Variants in BMPER observed in about 807,000 individuals in gnomAD.
BMPER encodes the protein BMP-binding endothelial regulator protein.
Under a neutral mutation model 87.3 loss-of-function variants are expected in BMPER, and 45 were observed. That is an observed-to-expected ratio of 0.52 (90% CI 0.41 to 0.66). The LOEUF is 0.66. Ranked by LOEUF, BMPER falls within the 30% of genes least tolerant of loss-of-function variation. The probability of loss-of-function intolerance (pLI) is 0.00; values close to 1 mark genes in which losing one functional copy is unlikely to be tolerated. For synonymous variants in BMPER, 326 were observed against 316.2 expected (o/e 1.03, Z -0.33); for missense variants, 784 against 867.5 (o/e 0.90, Z 1.21).
chr7:33,963,360 A>G (rs1204347386), intron 3 of BMPER, among the ~76,000 whole-genome samples: 3 of 152,240 alleles, frequency 2.0e-5, no homozygotes. Context: ...AATGTTTAAT[A>G]TAATTTGGTA....
At chr7:34,037,190 A>C (rs6950651) in intron 6 of BMPER, among the ~76,000 whole-genome samples, 24,448 of 152,064 alleles carry the variant, frequency 0.16, 3,070 homozygotes, top group African/African-American at 0.35. Context: ...GAGAGAGACA[A>C]GTTGTCTCTT....
intron 6 of BMPER, chr7:34,042,877 TG>T (rs1787868568): frequency 6.6e-6 from 1 of 152,176 alleles, no homozygotes; most frequent in East Asian, 1.9e-4. Context: ...ATTATGTATT[TG>T]TGTGCCCCAA....
At chr7:33,953,474 A>G (rs1356400957) in intron 3 of BMPER, among the ~76,000 whole-genome samples, 2 of 152,090 alleles carry the variant, frequency 1.3e-5, no homozygotes, top group African/African-American at 4.8e-5. Context: ...TCCCCTCTGT[A>G]TCATGCAGGG....
At chr7:33,991,821 T>C (rs1786228472) in intron 6 of BMPER, among the ~76,000 whole-genome samples, 1 of 148,170 alleles carries the variant, frequency 6.7e-6, no homozygotes, top group African/African-American at 2.5e-5. Context: ...GTTGTGTCTT[T>C]GTTCTCGTTG....
rs202141422 is a variant in BMPER, at chr7:34,153,121, G to C, written c.1906G>C (p.Asp636His). 1 of 1,613,844 alleles carries C rather than the reference G, an allele frequency of 6.2e-7. No homozygotes were observed. Among genetic ancestry groups the C allele is most frequent in the Admixed American group, 1.7e-5 (1 of 59,994 alleles). The change falls in exon 15 of 15, where the codon GAT becomes CAT. Residue 636 changes from aspartate to histidine, a missense_variant. By Grantham distance (81) the Asp-to-His change is moderately conservative. Transcript: ENST00000649409. ...ATQCKHGAVY[D>H]TCGPGCIKTC... is the part of the protein sequence containing the mutation. ...CCAGTGTAAGCATGGTGCTGTGTACGATACCTGTGGTCCGGGATGTATCAA... is the reference window on the plus strand; with the variant it reads ...CCAGTGTAAGCATGGTGCTGTGTACCATACCTGTGGTCCGGGATGTATCAA...
At chr7:34,086,224 T>C in intron 13 of BMPER, 132 bp downstream of exon 13, 1 of 1,037,604 alleles carries the variant, frequency 9.6e-7, no homozygotes, top group Non-Finnish European at 1.4e-6. Flanking sequence ...CTTCTTGCTG[T>C]CCAGGAGCTG....
chr7:33,948,543 G>A (rs1243665015), intron 3 of BMPER, among the ~76,000 whole-genome samples: 5 of 152,144 alleles, frequency 3.3e-5, no homozygotes, highest in African/African-American at 1.2e-4. Context: ...AGTGTTGGAG[G>A]AGGCACCTGG....
chr7:34,034,416 A>G (rs1450286278), intron 6 of BMPER, among the ~76,000 whole-genome samples: 2 of 152,168 alleles, frequency 1.3e-5, no homozygotes, highest in Non-Finnish European at 2.9e-5. Flanking sequence ...CCTGAGCCGG[A>G]AAAGATTCCC....
chr7:33,918,374 C>G (rs962077654), intron 2 of BMPER, among the ~76,000 whole-genome samples: 1 of 152,210 alleles, frequency 6.6e-6, no homozygotes, highest in Admixed American at 6.5e-5. Flanking sequence ...TCCCCCTTTG[C>G]TCAGAGGGCA....
chr7:34,098,648 G>A (rs1002536905), intron 13 of BMPER, among the ~76,000 whole-genome samples: 1 of 152,148 alleles, frequency 6.6e-6, no homozygotes, highest in Non-Finnish European at 1.5e-5. Context: ...CGAGCATGAA[G>A]GTAGATGCAT....
intron 6 of BMPER, among the ~76,000 whole-genome samples, chr7:34,014,808 A>G (rs1384658487): frequency 6.6e-6 from 1 of 151,978 alleles, no homozygotes; most frequent in Non-Finnish European, 1.5e-5. Context: ...CTGTATATTT[A>G]CACACCTTTC....
At chr7:34,094,811 G>C (rs545756291) in intron 13 of BMPER, among the ~76,000 whole-genome samples, 110 of 152,284 alleles carry the variant, frequency 7.2e-4, no homozygotes, top group Non-Finnish European at 1.2e-3. Flanking sequence ...GCCTGGTACA[G>C]AGCAAATGCT....
intron 11 of BMPER, among the ~76,000 whole-genome samples, chr7:34,065,199 ACTCACTCTCTCTCTCTCTCTCTCTCT>A (rs1278982445): frequency 3.1e-4 from 29 of 94,164 alleles, no homozygotes; most frequent in Non-Finnish European, 5.2e-4. Flanking sequence ...ACACATACAC[ACTCACTCTCTCTCTCTCTCTCTCTCT>A]CTCTCTCTCT....
intron 11 of BMPER, among the ~76,000 whole-genome samples, chr7:34,073,399 A>G (rs1788785810): frequency 6.6e-6 from 1 of 152,236 alleles, no homozygotes; most frequent in Non-Finnish European, 1.5e-5. Context: ...AGGCAATGAT[A>G]ATACAATGGC....
chr7:34,064,528 T>C (rs952568309), intron 11 of BMPER, among the ~76,000 whole-genome samples: 2 of 152,216 alleles, frequency 1.3e-5, no homozygotes, highest in Non-Finnish European at 2.9e-5. Context: ...AGCTTTAAAC[T>C]GGTTATATTA....
chr7:33,908,980 A>C (rs984348096), intron 2 of BMPER, among the ~76,000 whole-genome samples: 3 of 152,342 alleles, frequency 2.0e-5, no homozygotes, highest in African/African-American at 7.2e-5. Flanking sequence ...CATGGATTTC[A>C]AAGCACTCCG....
intron 3 of BMPER, among the ~76,000 whole-genome samples, chr7:33,939,048 C>A (rs1195097454): frequency 6.6e-6 from 1 of 151,914 alleles, no homozygotes; most frequent in Non-Finnish European, 1.5e-5. Flanking sequence ...AAAAAAAAGA[C>A]AAAAAACGAG....
At chr7:34,136,808 C>T (rs549777311) in intron 13 of BMPER, among the ~76,000 whole-genome samples, 129 of 152,348 alleles carry the variant, frequency 8.5e-4, no homozygotes, top group South Asian at 5.4e-3. Context: ...ACAGCCAGAA[C>T]GCTGGATATC....
intron 3 of BMPER, among the ~76,000 whole-genome samples, chr7:33,964,191 TTTAA>T (rs1451793158): frequency 6.6e-6 from 1 of 152,158 alleles, no homozygotes; most frequent in African/African-American, 2.4e-5. Context: ...ATGTCCTTTC[TTTAA>T]TTATCTTTTT....
Sources: allele counts gnomAD v4.1 joint callset (sites outside exome capture counted in the v4.1 genomes callset), GRCh38; gene constraint gnomAD v4.1.1; transcripts MANE v1.5; gene names NCBI Gene and HGNC (gene_info 2026-07-23, HGNC 2026-07-21).